Variants in ERC2 observed in about 807,000 individuals in gnomAD.
ERC2 encodes the protein ELKS/RAB6-interacting/CAST family member 2.
Under a neutral mutation model 114.8 loss-of-function variants are expected in ERC2, and 42 were observed. The ratio of observed to expected loss-of-function variants is 0.37; its 90% CI spans 0.29 to 0.47. The LOEUF is 0.47. Among genes scored for constraint, ERC2 ranks in the 20% least tolerant of loss-of-function variants. The pLI, the probability that ERC2 is intolerant of heterozygous loss-of-function variation, is 0.99. For synonymous variants in ERC2, 454 were observed against 425.5 expected, an observed-to-expected ratio of 1.07 and a Z score of -0.82; for missense variants, 939 against 1,150.7, an observed-to-expected ratio of 0.82 and a Z score of 2.66.
rs72870455 is a variant in ERC2, at chr3:55,562,641, T to C, written c.*40-51365A>G. ...CCCAGGTTGGTGGCCTGAGGGTTTG[T>C]GCAACACCAAAGAACACCAAGCTCA... On this transcript the variant is annotated intron_variant, in intron 17 of 17. Transcript: ENST00000288221. Among the ~76,000 whole-genome samples, 671 of 152,294 alleles carry C rather than the reference T, an allele frequency of 4.4e-3. 3 individuals are homozygous for C. The highest frequency in any genetic ancestry group is 0.015 in the African/African-American group (632 of 41,556).
Position 56,032,887 on chromosome 3 carries a change from G to GAA in ERC2, c.1642-13857_1642-13856insTT, listed in dbSNP as rs1366582563. ...AGAAAGAAAGAAAGAAAGAAAGAAA[G>GAA]AGAGAGAGAGAGACAGAAAGAAAGA... On this transcript the variant is annotated intron_variant, in intron 7 of 17. Transcript: ENST00000288221. 9.7e-4 allele frequency among the ~76,000 whole-genome samples: 100 copies of GAA among 102,612 alleles called. 2 individuals are homozygous for GAA. The highest frequency in any genetic ancestry group is 4.1e-3 in the Middle Eastern group (1 of 246). 67.3% of individuals were successfully genotyped at this position (102,612 alleles called of 152,430 possible). A position where few individuals can be genotyped will look rare whatever the true frequency, so the allele number is the denominator to read the frequency against.
intron 16 of ERC2, among the ~76,000 whole-genome samples, chr3:55,685,513 G>C (rs1056293954): frequency 6.6e-6 from 1 of 152,038 alleles, no homozygotes; most frequent in African/African-American, 2.4e-5. Context: ...TCTGTCCCTG[G>C]AGAAAAGAAA....
chr3:56,420,591 A>G (rs1197884318), intron 2 of ERC2, among the ~76,000 whole-genome samples: 1 of 151,936 alleles, frequency 6.6e-6, no homozygotes, highest in African/African-American at 2.4e-5. Context: ...CAATGAAACT[A>G]AGGGAATTTG....
At chr3:56,185,813 T>C (rs1470158334) in intron 3 of ERC2, among the ~76,000 whole-genome samples, 1 of 152,108 alleles carries the variant, frequency 6.6e-6, no homozygotes, top group Non-Finnish European at 1.5e-5. Context: ...TCTGGGTGAG[T>C]GCAATCTAAT....
At chr3:56,382,038 T>C (rs563759589) in intron 2 of ERC2, among the ~76,000 whole-genome samples, 1 of 152,230 alleles carries the variant, frequency 6.6e-6, no homozygotes, top group East Asian at 1.9e-4. Context: ...TCTTTCCCCA[T>C]ACTCACTTTT....
At chr3:56,026,049 G>A (rs180850936) in intron 7 of ERC2, among the ~76,000 whole-genome samples, 13 of 119,690 alleles carry the variant, frequency 1.1e-4, no homozygotes, top group Middle Eastern at 6.0e-3. Context: ...CCCTTCCTCC[G>A]TTTCTTTCTT....
chr3:55,688,441 C>T (rs1468792272), intron 16 of ERC2, among the ~76,000 whole-genome samples: 2 of 152,106 alleles, frequency 1.3e-5, no homozygotes, highest in African/African-American at 4.8e-5. Flanking sequence ...GCCTGTCTAA[C>T]CACAAAAGTA....
intron 3 of ERC2, among the ~76,000 whole-genome samples, chr3:56,293,270 C>G (rs1489281074): frequency 1.3e-5 from 2 of 152,148 alleles, no homozygotes; most frequent in African/African-American, 4.8e-5. Context: ...TCATAATTCT[C>G]CCAATAAGTA....
intron 2 of ERC2, among the ~76,000 whole-genome samples, chr3:56,422,643 G>A (rs1311049462): frequency 6.6e-6 from 1 of 152,102 alleles, no homozygotes; most frequent in Non-Finnish European, 1.5e-5. Context: ...CTCTATCTTA[G>A]AGCTTCCATT....
chr3:56,408,792 T>A (rs953791684), intron 2 of ERC2, among the ~76,000 whole-genome samples: 5 of 152,208 alleles, frequency 3.3e-5, no homozygotes. Flanking sequence ...GTGGGTGCCA[T>A]CTGGCTAAAG....
intron 3 of ERC2, among the ~76,000 whole-genome samples, chr3:56,281,200 G>A (rs1395887797): frequency 1.3e-5 from 2 of 152,022 alleles, no homozygotes; most frequent in South Asian, 2.1e-4. Context: ...CACTTTGGGA[G>A]GCCGAGGCGG....
At chr3:56,253,987 T>C (rs1438259956) in intron 3 of ERC2, among the ~76,000 whole-genome samples, 1 of 152,256 alleles carries the variant, frequency 6.6e-6, no homozygotes, top group Non-Finnish European at 1.5e-5. Flanking sequence ...AAGAGTTTAA[T>C]ACCTGCATAT....
intron 6 of ERC2, among the ~76,000 whole-genome samples, chr3:56,131,974 A>G (rs1324621618): frequency 3.9e-5 from 6 of 152,240 alleles, no homozygotes; most frequent in Admixed American, 2.0e-4. Context: ...ATTACACGTC[A>G]ATTAAAAAAG....
chr3:55,778,032 G>A (rs1488030472), intron 14 of ERC2, among the ~76,000 whole-genome samples: 1 of 152,126 alleles, frequency 6.6e-6, no homozygotes, highest in Non-Finnish European at 1.5e-5. Flanking sequence ...GCTGTTGGCT[G>A]ACATGATCCT....
intron 3 of ERC2, among the ~76,000 whole-genome samples, chr3:56,271,896 G>A (rs2053676841): frequency 6.6e-6 from 1 of 152,136 alleles, no homozygotes; most frequent in Non-Finnish European, 1.5e-5. Flanking sequence ...ATGGTCTCCA[G>A]CTCCATCCAT....
intron 2 of ERC2, among the ~76,000 whole-genome samples, chr3:56,378,580 AAAAAAAC>A (rs199884394): frequency 7.3e-5 from 11 of 151,366 alleles, no homozygotes; most frequent in African/African-American, 2.2e-4. Flanking sequence ...ATAAAAAAAA[AAAAAAAC>A]AAAGGCAGCA....
At chr3:56,371,668 C>T (rs1038268755) in intron 2 of ERC2, among the ~76,000 whole-genome samples, 4 of 152,200 alleles carry the variant, frequency 2.6e-5, no homozygotes, top group South Asian at 2.1e-4. Context: ...TACATTCTCA[C>T]CTCTCTACCC....
chr3:55,770,598 T>G (rs1473048959), intron 14 of ERC2, among the ~76,000 whole-genome samples: 1 of 152,210 alleles, frequency 6.6e-6, no homozygotes, highest in Non-Finnish European at 1.5e-5. Context: ...TCATCACTGT[T>G]AAACTGTTGG....
intron 13 of ERC2, among the ~76,000 whole-genome samples, chr3:55,913,213 G>A (rs943064511): frequency 6.6e-5 from 10 of 152,052 alleles, no homozygotes; most frequent in South Asian, 2.1e-4. Flanking sequence ...CTTTTAGCTC[G>A]ACAAAATAAC....
Sources: gnomAD v4.1 joint callset for allele counts (sites outside exome capture counted in the v4.1 genomes callset) on GRCh38, gnomAD v4.1.1 for gene constraint, MANE v1.5 for transcripts, NCBI Gene and HGNC (gene_info 2026-07-23, HGNC 2026-07-21) for gene names.